Variants in ENOX1 observed in about 807,000 individuals in gnomAD.
ENOX1 encodes the protein ecto-NOX disulfide-thiol exchanger 1.
ENOX1 carries 42 observed loss-of-function variants against 82.5 expected under a neutral mutation model. That is an observed-to-expected ratio of 0.51 (90% CI 0.40 to 0.66). The LOEUF is 0.66. Among genes scored for constraint, ENOX1 ranks in the 30% least tolerant of loss-of-function variants. The pLI is 0.00. For missense variants in ENOX1, 608 were observed against 811.6 expected, an observed-to-expected ratio of 0.75 and a Z score of 3.05; for synonymous variants, 271 against 282.2, an observed-to-expected ratio of 0.96 and a Z score of 0.40.
At chr13:43,647,306 G>A (rs1306121452) in intron 2 of ENOX1, among the ~76,000 whole-genome samples, 1 of 152,084 alleles carries the variant, frequency 6.6e-6, no homozygotes, top group East Asian at 1.9e-4. Context: ...TATAAAGATT[G>A]AATAAAATAA....
At chr13:43,252,880 G>A (rs546491584) in intron 14 of ENOX1, among the ~76,000 whole-genome samples, 2 of 152,328 alleles carry the variant, frequency 1.3e-5, no homozygotes, top group East Asian at 3.9e-4. Context: ...GCCCCAGCAA[G>A]GGAAGGGGGG....
intron 8 of ENOX1, among the ~76,000 whole-genome samples, chr13:43,348,151 T>C (rs778674222): frequency 5.9e-5 from 9 of 152,234 alleles, no homozygotes; most frequent in African/African-American, 9.6e-5. Context: ...GCTGTTATTC[T>C]TCCCTCAAGA....
chr13:43,463,068 A>C (rs1032620008), intron 3 of ENOX1, among the ~76,000 whole-genome samples: 1 of 152,216 alleles, frequency 6.6e-6, no homozygotes, highest in Non-Finnish European at 1.5e-5. Context: ...AGATCCTGCC[A>C]TTATCTCTCT....
chr13:43,633,346 A>G (rs1034381597), intron 2 of ENOX1, among the ~76,000 whole-genome samples: 12 of 152,186 alleles, frequency 7.9e-5, no homozygotes, highest in Non-Finnish European at 1.5e-4. Context: ...AGTATCTATC[A>G]TAATGCAAAA....
chr13:43,777,912 A>G (rs1952015263), intron 1 of ENOX1, among the ~76,000 whole-genome samples: 1 of 152,166 alleles, frequency 6.6e-6, no homozygotes, highest in Non-Finnish European at 1.5e-5. Context: ...TCCACAATTA[A>G]CAAGGCTTCT....
chr13:43,720,989 T>TG (rs1450444854), intron 1 of ENOX1, among the ~76,000 whole-genome samples: 1 of 152,156 alleles, frequency 6.6e-6, no homozygotes, highest in Non-Finnish European at 1.5e-5. Context: ...CTGGAAATAA[T>TG]GACATAGAAG....
intron 3 of ENOX1, among the ~76,000 whole-genome samples, chr13:43,451,786 T>C (rs962190675): frequency 6.6e-6 from 1 of 152,232 alleles, no homozygotes; most frequent in African/African-American, 2.4e-5. Flanking sequence ...CTTTCTCATA[T>C]AAATTCATTC....
intron 15 of ENOX1, among the ~76,000 whole-genome samples, chr13:43,224,535 C>A (rs1022986569): frequency 6.6e-6 from 1 of 152,176 alleles, no homozygotes; most frequent in South Asian, 2.1e-4. Flanking sequence ...ATGGCTCATA[C>A]AACTGTGTCA....
intron 2 of ENOX1, among the ~76,000 whole-genome samples, chr13:43,644,020 A>T (rs1222030714): frequency 2.6e-5 from 4 of 152,096 alleles, no homozygotes; most frequent in Non-Finnish European, 1.5e-5. Flanking sequence ...TTCACTGGAG[A>T]GATTAATTTG....
chr13:43,281,119 A>C (rs1434518546), intron 12 of ENOX1, among the ~76,000 whole-genome samples: 2 of 152,148 alleles, frequency 1.3e-5, no homozygotes, highest in Non-Finnish European at 2.9e-5. Context: ...ATAGGCTTTC[A>C]ACCACCTATA....
chr13:43,415,746 C>T (rs2054433940), intron 3 of ENOX1, among the ~76,000 whole-genome samples: 1 of 152,100 alleles, frequency 6.6e-6, no homozygotes, highest in South Asian at 2.1e-4. Flanking sequence ...GGCCCATTCT[C>T]GATGGTCGCT....
chr13:43,283,986 G>T (rs2045551342), intron 12 of ENOX1, among the ~76,000 whole-genome samples: 1 of 151,946 alleles, frequency 6.6e-6, no homozygotes, highest in South Asian at 2.1e-4. Flanking sequence ...ATTTATTTTA[G>T]TTATTTTTGG....
chr13:43,707,532 G>A (rs937996074), intron 1 of ENOX1, among the ~76,000 whole-genome samples: 31 of 152,070 alleles, frequency 2.0e-4, no homozygotes, highest in Non-Finnish European at 1.3e-4. Context: ...TCAAGAGATC[G>A]AGACCATCTG....
chr13:43,567,913 T>C (rs1469362379), intron 2 of ENOX1, among the ~76,000 whole-genome samples: 1 of 152,222 alleles, frequency 6.6e-6, no homozygotes, highest in Non-Finnish European at 1.5e-5. Flanking sequence ...GCAGGATATT[T>C]AGATTTGTGA....
intron 1 of ENOX1, among the ~76,000 whole-genome samples, chr13:43,717,653 G>T (rs2088241558): frequency 6.6e-6 from 1 of 152,052 alleles, no homozygotes; most frequent in Admixed American, 6.5e-5. Context: ...TCTGACCAAG[G>T]TCTAATACCC....
chr13:43,700,380 T>C (rs1372902083), intron 1 of ENOX1, among the ~76,000 whole-genome samples: 3 of 152,174 alleles, frequency 2.0e-5, no homozygotes, highest in Non-Finnish European at 4.4e-5. Context: ...GAAAAGAGTC[T>C]GGTAGCATGT....
At chr13:43,613,625 A>C (rs2082287514) in intron 2 of ENOX1, among the ~76,000 whole-genome samples, 1 of 152,222 alleles carries the variant, frequency 6.6e-6, no homozygotes, top group Admixed American at 6.5e-5. Flanking sequence ...AAAGGATAAG[A>C]GGCTACTATG....
chr13:43,335,631 C>T (rs548003310), intron 9 of ENOX1, among the ~76,000 whole-genome samples: 42 of 152,130 alleles, frequency 2.8e-4, no homozygotes, highest in African/African-American at 9.9e-4. Flanking sequence ...ACTTAATATG[C>T]ACTCCAATTC....
intron 5 of ENOX1, among the ~76,000 whole-genome samples, chr13:43,403,926 C>T (rs727342): frequency 0.51 from 78,061 of 152,034 alleles, 24,986 homozygotes; most frequent in Non-Finnish European, 0.73. Flanking sequence ...CACTAGGATG[C>T]AAGTTGCAGG....
Sources: allele counts gnomAD v4.1 joint callset (sites outside exome capture counted in the v4.1 genomes callset), GRCh38; gene constraint gnomAD v4.1.1; transcripts MANE v1.5; gene names NCBI Gene and HGNC (gene_info 2026-07-23, HGNC 2026-07-21).